Variants in KIF12 observed in about 807,000 individuals in gnomAD.
KIF12 encodes the protein kinesin-like protein KIF12.
KIF12 carries 80 observed loss-of-function variants against 87.9 expected under a neutral mutation model. The ratio of observed to expected loss-of-function variants is 0.91; its 90% CI spans 0.76 to 1.10. The LOEUF (loss-of-function observed/expected upper bound fraction) is 1.10. Among genes scored for constraint, KIF12 ranks in the 50% least tolerant of loss-of-function variants. The pLI is 0.00. For synonymous variants in KIF12, 353 were observed against 348.5 expected (o/e 1.01, Z -0.14); for missense variants, 819 against 865.3 (o/e 0.95, Z 0.67).
rs764681898 is a variant in KIF12 at position 114,092,549 on chromosome 9, T to C, written c.1690A>G (p.Arg564Gly). 7 of 1,612,216 alleles carry C rather than the reference T, an allele frequency of 4.3e-6. No homozygotes were observed. Among genetic ancestry groups the C allele is most frequent in the Non-Finnish European group, 5.9e-6 (7 of 1,179,670 alleles). The change falls in exon 17 of 19, where the codon AGA becomes GGA. Residue 564 changes from arginine (R) to glycine (G), a missense_variant. Transcript: ENST00000640217. ...PCSPGSAKCP[R>G]ERSHSDWTQT... The stretch of plus-strand genomic sequence containing the variant: ...GCCCCAGGAGAGACCCACCTCTCTC[T>C]TGGGCACTTGGCAGAGCCAGGGCTG...
In KIF12 at chr9:114,097,359, C is replaced by T. The variant is rs1847275292; in HGVS notation, c.588G>A (p.Glu196=). ...RWNKTRGFYV[E]QLRVVEFGSL... Reference sequence around the variant, plus strand: ...TCCCAAATTCCACCACCCGCAGCTGCTCCACATAGAAGCCCCGAGTCTTGT... The same window carrying T: ...TCCCAAATTCCACCACCCGCAGCTGTTCCACATAGAAGCCCCGAGTCTTGT... The change falls in exon 7 of 19, where the codon GAG becomes GAA. Residue 196 remains glutamate, a synonymous_variant. Transcript: ENST00000640217. 1.2e-6 allele frequency: 2 copies of T among 1,610,304 alleles called. No individual in the cohort carries two copies. The highest frequency in any genetic ancestry group is 1.7e-5 in the Admixed American group (1 of 58,568).
intron 18 of KIF12, 76 bp from the exon 19 acceptor site, chr9:114,092,076 C>T: frequency 6.6e-7 from 1 of 1,520,386 alleles, no homozygotes; most frequent in Non-Finnish European, 8.8e-7. Flanking sequence ...TCCCAACACC[C>T]TCTGGAGAAG....
chr9:114,096,354 C>T (rs942859870), intron 8 of KIF12, 33 bp downstream of exon 8: 21 of 1,604,200 alleles, frequency 1.3e-5, no homozygotes, highest in East Asian at 4.5e-5. Flanking sequence ...TTGGTGGCCC[C>T]GGGTAAGCAC....
intron 7 of KIF12, 142 bp from the exon 8 acceptor site, chr9:114,096,620 A>G: frequency 1.4e-6 from 1 of 704,536 alleles, no homozygotes; most frequent in East Asian, 2.7e-5. Flanking sequence ...TTGTTCAGGG[A>G]ACGATGGGAT....
At chr9:114,098,238 G>C in intron 4 of KIF12, 48 bp from the exon 5 acceptor site, 1 of 1,448,426 alleles carries the variant, frequency 6.9e-7, no homozygotes, top group South Asian at 1.3e-5. Context: ...ACCCGGGGTG[G>C]GGGCTGGGGG....
intron 3 of KIF12, among the ~76,000 whole-genome samples, 200 bp from the exon 4 acceptor site, chr9:114,098,629 G>A (rs1313368590): frequency 8.5e-6 from 1 of 117,278 alleles, no homozygotes; most frequent in African/African-American, 3.2e-5. Flanking sequence ...TGGGGTGGGG[G>A]ACACTCACTA....
chr9:114,095,328 G>C lies in KIF12; in HGVS notation c.900C>G (p.His300Gln). Residue 300 changes from histidine to glutamine, a missense_variant, in exon 10 of 19, where the codon CAC becomes CAG. Coordinates refer to ENST00000640217, the MANE Select transcript of KIF12 (RefSeq NM_001388308.1). The part of the protein sequence containing the change: ...SINRSLLALG[H>Q]CISLLLDPQR... ...GTGGGTCCAGCAGCAGGGAGATGCA[G>C]TGACCTGGGGAGGGAGAGCAAGAGT... The C allele has an allele frequency of 6.2e-7, 1 of 1,613,078 alleles. No individual in the cohort carries two copies. The highest frequency in any genetic ancestry group is 8.5e-7 in the Non-Finnish European group (1 of 1,179,944).
At chr9:114,098,504 A>AGGGGCGTGGCACCGT in intron 3 of KIF12, 75 bp from the exon 4 acceptor site, 1 of 401,234 alleles carries the variant, frequency 2.5e-6, no homozygotes. Context: ...GGCACCGTGG[A>AGGGGCGTGGCACCGT]GGAGGGCGGG....
chr9:114,097,286 G>A lies in KIF12; in HGVS notation c.646+15C>T. 8 of 1,604,904 alleles carry A rather than the reference G, an allele frequency of 5.0e-6. No homozygotes were observed. The highest frequency in any genetic ancestry group is 6.8e-6 in the Non-Finnish European group (8 of 1,177,638). ...GGCACCCCTACCCGCAAAACTCCCCGCTGTCAGCACACACCCGTTTGCAAA... is the reference window on the plus strand; with the variant it reads ...GGCACCCCTACCCGCAAAACTCCCCACTGTCAGCACACACCCGTTTGCAAA... On this transcript the variant is annotated intron_variant, in intron 7 of 18. Transcript: ENST00000640217.
Position 114,099,087 on chromosome 9 carries a change from A to G in KIF12, c.92+17T>C, listed in dbSNP as rs768619237. The G allele has an allele frequency of 2.6e-6, 4 of 1,550,356 alleles. No homozygotes were observed. The highest frequency in any genetic ancestry group is 1.7e-6 in the Non-Finnish European group (2 of 1,146,916). On this transcript the variant is annotated intron_variant, in intron 2 of 18. Transcript: ENST00000640217. ...TCCTTGTCTCGCCCAGGTGCCTCCT[A>G]GCCAATTTATACCCACCTGAGCACC... is the stretch of plus-strand genomic sequence containing the variant.
At position 114,098,274 on chromosome 9, in the gene KIF12, CGCGGA is replaced by C. The variant is rs943914071; in HGVS notation, c.299+23_299+27del. The C allele has an allele frequency of 6.7e-6, 10 of 1,500,222 alleles. No homozygotes were observed. In the African/African-American group the frequency reaches 1.5e-4, roughly 22 times the overall value. The allele number at this position is 1,500,222 out of a possible 1,614,324, so 92.9% of individuals were successfully genotyped here. On this transcript the variant is annotated intron_variant, in intron 4 of 18. Transcript: ENST00000640217. ...TGCTTCGGGGCCCCGCCAGGCCCGGCGCGGAGCGGAGGCGAAGCTTCACTCACCCG... is the reference window on the plus strand; with the variant it reads ...TGCTTCGGGGCCCCGCCAGGCCCGGCGCGGAGGCGAAGCTTCACTCACCCG...
chr9:114,092,417 C>T lies in KIF12; in HGVS notation c.1732G>A (p.Ala578Thr), dbSNP rs1847033082. The T allele has an allele frequency of 1.2e-6, 2 of 1,613,394 alleles. No individual in the cohort carries two copies. The highest frequency in any genetic ancestry group is 1.7e-6 in the Non-Finnish European group (2 of 1,179,750). Residue 578 changes from alanine (A) to threonine (T), a missense_variant, in exon 18 of 19, where the codon GCA becomes ACA. Transcript: ENST00000640217. The part of the protein sequence containing the change: ...HSDWTQTRVL[A>T]EMLTEEEVVP... The stretch of plus-strand genomic sequence containing the variant: ...ACCTCCTCCTCCGTCAACATCTCTG[C>T]CAGGACTCGGGTCTGAGTCCAGTCA...
chr9:114,092,114 T>TGG, intron 18 of KIF12, 114 bp from the exon 19 acceptor site: 1 of 1,389,282 alleles, frequency 7.2e-7, no homozygotes, highest in Non-Finnish European at 9.5e-7. Context: ...CCTCCACCCT[T>TGG]CCCCCCACCC....
Position 114,095,262 on chromosome 9 carries a change from G to A in KIF12, c.966C>T (p.Leu322=), listed in dbSNP as rs1309947255. Residue 322 remains leucine (L), a synonymous_variant, in exon 10 of 19, where the codon CTC becomes CTT. Coordinates refer to ENST00000640217, the MANE Select transcript of KIF12 (RefSeq NM_001388308.1). ...CCAGTGAGTCTGCCAGCAACTTGGT[G>A]AGCTTGCTGTCCCGGAAAGGGATGT... ...QSHIPFRDSK[L]TKLLADSLGG... The A allele has an allele frequency of 3.7e-6, 6 of 1,613,816 alleles. No homozygotes were observed. In the African/African-American group the frequency reaches 4.0e-5, roughly 11 times the overall value.
chr9:114,091,819 G>A lies in KIF12; in HGVS notation c.*42C>T, dbSNP rs776348607. ...CTGAAGCCCAAGAGTGTGGAGCCCA[G>A]TCTGAGGTCACACAGCAGTCTCCTG... is the stretch of plus-strand genomic sequence containing the variant. On this transcript the variant is annotated 3_prime_UTR_variant, in exon 19 of 19. Transcript: ENST00000640217. 1 of 1,549,296 alleles carries A rather than the reference G, an allele frequency of 6.5e-7. No homozygotes were observed. The highest frequency in any genetic ancestry group is 8.8e-7 in the Non-Finnish European group (1 of 1,142,126).
Position 114,091,893 on chromosome 9 carries a change from G to A in KIF12, c.1924C>T (p.Arg642Trp), listed in dbSNP as rs1043906838. The change falls in exon 19 of 19, where the codon CGG (arginine) becomes TGG (tryptophan). Residue 642 changes from arginine (R) to tryptophan (W), a missense_variant. Transcript: ENST00000640217. ...RSQPPCSEGA[R>W]SPGQVLPPH is the part of the protein sequence containing the mutation. ...GGAGGGAGGACTTGGCCTGGGCTCCGTGCGCCCTCACTGCAGGGTGGCTGG... is the reference window on the plus strand; with the variant it reads ...GGAGGGAGGACTTGGCCTGGGCTCCATGCGCCCTCACTGCAGGGTGGCTGG... The A allele has an allele frequency of 8.7e-6, 14 of 1,611,112 alleles. No homozygotes were observed. The highest frequency in any genetic ancestry group is 1.1e-5 in the Non-Finnish European group (13 of 1,178,118).
intron 9 of KIF12, 51 bp downstream of exon 9, chr9:114,096,000 C>T (rs748492825): frequency 1.3e-6 from 2 of 1,560,964 alleles, no homozygotes; most frequent in East Asian, 2.2e-5. Flanking sequence ...GAGCTGTGAG[C>T]CAGGCACAGA....
At chr9:114,098,065 TCCAGCCCAC>T in intron 5 of KIF12, 41 bp downstream of exon 5, 1 of 1,509,398 alleles carries the variant, frequency 6.6e-7, no homozygotes, top group African/African-American at 1.4e-5. Flanking sequence ...CCCCAGGGCT[TCCAGCCCAC>T]CCAGCCCCGC....
chr9:114,098,844 G>C, intron 3 of KIF12, 91 bp downstream of exon 3: 1 of 1,424,050 alleles, frequency 7.0e-7, no homozygotes, highest in Non-Finnish European at 9.5e-7. Context: ...CACTCCGGGG[G>C]AGCGCGGGGC....
Sources: gnomAD v4.1 joint callset for allele counts (sites outside exome capture counted in the v4.1 genomes callset) on GRCh38, gnomAD v4.1.1 for gene constraint, MANE v1.5 for transcripts, NCBI Gene and HGNC (gene_info 2026-07-23, HGNC 2026-07-21) for gene names.